The following SLC38A11 variants were observed in gnomAD, a reference collection of about 807,000 sequenced individuals.
The protein encoded by SLC38A11 is solute carrier family 38 member 11.
SLC38A11 carries 51 observed loss-of-function variants against 49.4 expected under a neutral mutation model. That is an observed-to-expected ratio of 1.03 (90% CI 0.83 to 1.30). The LOEUF (loss-of-function observed/expected upper bound fraction) is 1.30, where lower values mean the gene tolerates loss of function less well. Ranked by LOEUF, SLC38A11 falls within the 50% of genes most tolerant of loss-of-function variation. The pLI is 0.00. For missense variants in SLC38A11, 574 were observed against 556.2 expected (o/e 1.03, Z -0.32); for synonymous variants, 203 against 192.9 (o/e 1.05, Z -0.43).
rs1008238423 is a variant in SLC38A11, at chr2:164,924,940, A to T, written c.618-8967T>A. On this transcript the variant is annotated intron_variant, in intron 7 of 11. Coordinates refer to ENST00000685975, the MANE Select transcript of SLC38A11 (RefSeq NM_001351537.2). ...CGCCCAGCTAATTTTTTGTATTTTT[A>T]GTAGAGACGGGGTTTCACTGTGGTC... 2.6e-5 allele frequency among the ~76,000 whole-genome samples: 4 copies of T among 152,120 alleles called. No individual in the cohort carries two copies. The East Asian group carries it at 5.8e-4, about 22-fold the overall frequency.
At chr2:164,947,785 T>C (rs933652364) in intron 3 of SLC38A11, among the ~76,000 whole-genome samples, 2 of 152,208 alleles carry the variant, frequency 1.3e-5, no homozygotes, top group Non-Finnish European at 2.9e-5. Context: ...ACTAAGTCTA[T>C]TAACTATTGC....
At chr2:164,953,553 T>C (rs973583441) in intron 2 of SLC38A11, among the ~76,000 whole-genome samples, 2 of 152,150 alleles carry the variant, frequency 1.3e-5, no homozygotes, top group African/African-American at 4.8e-5. Flanking sequence ...ACCTTCATGG[T>C]ACATGGAGGT....
At chr2:164,939,680 T>G in intron 5 of SLC38A11, 124 bp from the exon 6 acceptor site, 1 of 522,908 alleles carries the variant, frequency 1.9e-6, no homozygotes, top group Non-Finnish European at 3.3e-6. Context: ...TGACAATAAT[T>G]TTGAGTTAAT....
At chr2:164,951,756 A>G (rs1688537329) in intron 3 of SLC38A11, among the ~76,000 whole-genome samples, 1 of 152,124 alleles carries the variant, frequency 6.6e-6, no homozygotes, top group Non-Finnish European at 1.5e-5. Flanking sequence ...AAGAAGGGGA[A>G]TGAGAGGACA....
At chr2:164,946,012 G>GA (rs1688081520) in intron 3 of SLC38A11, among the ~76,000 whole-genome samples, 1 of 152,154 alleles carries the variant, frequency 6.6e-6, no homozygotes, top group African/African-American at 2.4e-5. Flanking sequence ...AACTGCCAGT[G>GA]TTCCATTTTA....
At chr2:164,923,097 T>A (rs568549091) in intron 7 of SLC38A11, among the ~76,000 whole-genome samples, 1 of 152,306 alleles carries the variant, frequency 6.6e-6, no homozygotes, top group African/African-American at 2.4e-5. Flanking sequence ...GAGATTTAAA[T>A]GTAAGACCTC....
At chr2:164,918,252 A>G (rs1685939438) in intron 7 of SLC38A11, among the ~76,000 whole-genome samples, 1 of 152,160 alleles carries the variant, frequency 6.6e-6, no homozygotes, top group Admixed American at 6.5e-5. Context: ...ATAAGGAATT[A>G]TGACTACGAA....
chr2:164,951,687 T>C (rs1028591824), intron 3 of SLC38A11, among the ~76,000 whole-genome samples: 30 of 152,148 alleles, frequency 2.0e-4, no homozygotes, highest in African/African-American at 7.2e-4. Flanking sequence ...GGAGGATCTC[T>C]AGAAGCAGAG....
chr2:164,908,671 A>G lies in SLC38A11; in HGVS notation c.1064T>C (p.Ile355Thr), dbSNP rs1559090335. The G allele has an allele frequency of 6.2e-7, 1 of 1,605,864 alleles. No homozygotes were observed. Among genetic ancestry groups the G allele is most frequent in the Non-Finnish European group, 8.5e-7 (1 of 1,175,542 alleles). Residue 355 changes from isoleucine (I) to threonine (T), a missense_variant, in exon 11 of 12, where the codon ATT becomes ACT. Ile to Thr is a moderately conservative substitution (Grantham distance 89, BLOSUM62 -1). Coordinates refer to ENST00000685975, the MANE Select transcript of SLC38A11 (RefSeq NM_001351537.2). The stretch of plus-strand genomic sequence containing the variant: ...TTCTAGAACTATCCCGAGGCAATCA[A>G]TCAGCAATGACACAAGCGTGGCTAC... The part of the protein sequence containing the change: ...ITVATLVSLL[I>T]DCLGIVLELN...
At chr2:164,940,265 A>G (rs1687674768) in intron 5 of SLC38A11, among the ~76,000 whole-genome samples, 1 of 148,194 alleles carries the variant, frequency 6.7e-6, no homozygotes, top group South Asian at 2.1e-4. Context: ...TATCACATAT[A>G]TAATTATATG....
At chr2:164,928,788 A>G (rs538422317) in intron 7 of SLC38A11, among the ~76,000 whole-genome samples, 2 of 152,254 alleles carry the variant, frequency 1.3e-5, no homozygotes, top group African/African-American at 2.4e-5. Flanking sequence ...ATAGGTTATC[A>G]GGCATGAATA....
intron 7 of SLC38A11, among the ~76,000 whole-genome samples, chr2:164,921,718 C>T (rs1406422236): frequency 6.6e-6 from 1 of 152,010 alleles, no homozygotes; most frequent in African/African-American, 2.4e-5. Flanking sequence ...CTTACAATAC[C>T]TTAGGAAGCT....
chr2:164,911,334 T>C (rs967120230), intron 10 of SLC38A11, among the ~76,000 whole-genome samples: 1 of 152,114 alleles, frequency 6.6e-6, no homozygotes, highest in African/African-American at 2.4e-5. Flanking sequence ...AGTTTGGCTG[T>C]CGCAAAAGGC....
At chr2:164,920,117 T>C (rs1267017808) in intron 7 of SLC38A11, among the ~76,000 whole-genome samples, 2 of 151,930 alleles carry the variant, frequency 1.3e-5, no homozygotes, top group Non-Finnish European at 1.5e-5. Context: ...GTACTAAAAA[T>C]ACAAAAATTA....
At chr2:164,912,800 G>A (rs1340649021) in intron 9 of SLC38A11, among the ~76,000 whole-genome samples, 1 of 151,958 alleles carries the variant, frequency 6.6e-6, no homozygotes, top group African/African-American at 2.4e-5. Context: ...TTTCTCAACT[G>A]TCTATGAAGA....
In SLC38A11 at chr2:164,947,117, C is replaced by CTTTTTTT. The variant is rs200284770; in HGVS notation, c.230-1397_230-1391dup. Among the ~76,000 whole-genome samples, 120 of 72,882 alleles carry CTTTTTTT rather than the reference C, an allele frequency of 1.6e-3. 19 individuals carry two copies. Among genetic ancestry groups the CTTTTTTT allele is most frequent in the African/African-American group, 6.9e-3 (89 of 12,974 alleles). 47.8% of individuals were successfully genotyped at this position (72,882 alleles called of 152,430 possible). On this transcript the variant is annotated intron_variant, in intron 3 of 11. Coordinates refer to ENST00000685975, the MANE Select transcript of SLC38A11 (RefSeq NM_001351537.2). ...CCTGGATTCTTGGACTTTTTTATCTCTTTTTTTTTTTTTTTTTTTTTTTTT... is the reference window on the plus strand; with the variant it reads ...CCTGGATTCTTGGACTTTTTTATCTCTTTTTTTTTTTTTTTTTTTTTTTTTTTTTTTT...
intron 10 of SLC38A11, among the ~76,000 whole-genome samples, chr2:164,910,265 A>C (rs1685306492): frequency 6.6e-6 from 1 of 152,122 alleles, no homozygotes. Context: ...CTAAACACAG[A>C]AGTTGTGCAG....
At chr2:164,933,649 G>GA (rs1687163268) in intron 7 of SLC38A11, among the ~76,000 whole-genome samples, 1 of 151,958 alleles carries the variant, frequency 6.6e-6, no homozygotes, top group Non-Finnish European at 1.5e-5. Flanking sequence ...AAAGACCTAT[G>GA]AAAAAACCAC....
At position 164,894,745 on chromosome 2, in the gene SLC38A11, T is replaced by C. The variant is rs1251549501; in HGVS notation, c.*3692A>G. ...CCTTTGTCATTGCTCTTCACTAATA[T>C]TATTGTCGTGGTTTCTCCTCTTCTC... On this transcript the variant is annotated 3_prime_UTR_variant, in exon 12 of 12. Transcript: ENST00000685975. Among the ~76,000 whole-genome samples the C allele has an allele frequency of 6.6e-6, 1 of 152,138 alleles. No homozygotes were observed. Among genetic ancestry groups the C allele is most frequent in the Non-Finnish European group, 1.5e-5 (1 of 68,028 alleles).
Sources: allele counts gnomAD v4.1 joint callset (sites outside exome capture counted in the v4.1 genomes callset), GRCh38; gene constraint gnomAD v4.1.1; transcripts MANE v1.5; gene names NCBI Gene and HGNC (gene_info 2026-07-23, HGNC 2026-07-21).